The following ADAT1 variants were observed in gnomAD, a reference collection of about 807,000 sequenced individuals.
ADAT1 encodes the protein adenosine deaminase tRNA specific 1, also known as tRNA-specific adenosine deaminase 1.
ADAT1 carries 58 observed loss-of-function variants against 58.6 expected under a neutral mutation model. The ratio of observed to expected loss-of-function variants is 0.99; its 90% CI spans 0.80 to 1.23. The LOEUF (loss-of-function observed/expected upper bound fraction) is 1.23, where lower values mean the gene tolerates loss of function less well. Ranked by LOEUF, ADAT1 falls within the 50% of genes most tolerant of loss-of-function variation. ADAT1 has a pLI of 0.00. For missense variants in ADAT1, 741 were observed against 608.6 expected, an observed-to-expected ratio of 1.22 and a Z score of -2.29; for synonymous variants, 254 against 220.8, an observed-to-expected ratio of 1.15 and a Z score of -1.33.
At chr16:75,608,696 G>A in intron 7 of ADAT1, 147 bp downstream of exon 7, 1 of 936,730 alleles carries the variant, frequency 1.1e-6, no homozygotes, top group Non-Finnish European at 1.6e-6. Context: ...GCATAAACGT[G>A]ACCCACTATG....
intron 6 of ADAT1, among the ~76,000 whole-genome samples, chr16:75,612,039 C>G (rs761329978): frequency 2.0e-5 from 3 of 152,146 alleles, no homozygotes; most frequent in Non-Finnish European, 4.4e-5. Context: ...GCCTGGGTGA[C>G]AGAGCAAGAC....
At chr16:75,610,341 G>T (rs1205884082) in intron 6 of ADAT1, among the ~76,000 whole-genome samples, 1 of 151,422 alleles carries the variant, frequency 6.6e-6, no homozygotes, top group Non-Finnish European at 1.5e-5. Flanking sequence ...TGTTGTCTAG[G>T]ATGGAGTGCA....
At chr16:75,609,865 G>A (rs1002297295) in intron 6 of ADAT1, among the ~76,000 whole-genome samples, 3 of 151,528 alleles carry the variant, frequency 2.0e-5, no homozygotes, top group South Asian at 2.1e-4. Flanking sequence ...CATCATGTCC[G>A]ACTAATTTTT....
At chr16:75,606,634 C>T (rs114678694) in intron 8 of ADAT1, among the ~76,000 whole-genome samples, 1 of 152,154 alleles carries the variant, frequency 6.6e-6, no homozygotes, top group Non-Finnish European at 1.5e-5. Context: ...CCTTGAGCCC[C>T]CGTCAAGTCT....
intron 9 of ADAT1, among the ~76,000 whole-genome samples, chr16:75,602,831 G>T (rs1216695007): frequency 6.6e-6 from 1 of 152,198 alleles, no homozygotes; most frequent in African/African-American, 2.4e-5. Context: ...AATCAAAGGA[G>T]GGCCTGGAAT....
chr16:75,621,467 G>C (rs994278966), intron 1 of ADAT1, among the ~76,000 whole-genome samples: 1 of 151,984 alleles, frequency 6.6e-6, no homozygotes, highest in East Asian at 2.0e-4. Flanking sequence ...TGCTGGGTCT[G>C]TTTCCTCATC....
At chr16:75,615,480 TAAAAAAAAAAAAA>T (rs56149357) in intron 5 of ADAT1, among the ~76,000 whole-genome samples, 98 of 32,946 alleles carry the variant, frequency 3.0e-3, no homozygotes, top group African/African-American at 5.6e-3. Flanking sequence ...GTTGATGAGC[TAAAAAAAAAAAAA>T]AAAAAAAAAA....
chr16:75,603,112 G>T lies in ADAT1; in HGVS notation c.1349C>A (p.Ala450Glu). 6.2e-7 allele frequency: 1 copy of T among 1,614,020 alleles called. No individual in the cohort carries two copies. Among genetic ancestry groups the T allele is most frequent in the Non-Finnish European group, 8.5e-7 (1 of 1,179,928 alleles). The change falls in exon 9 of 10, where the codon GCA becomes GAA. Residue 450 changes from alanine (A) to glutamate (E), a missense_variant. Transcript: ENST00000564657. ...GAGGGAGTGTGGCCACTTGTCCCTT[G>T]CAATTCTGCTTAGCAGCTTCTGGAA... ...RSFQKLLSRI[A>E]RDKWPHSLRV...
intron 1 of ADAT1, among the ~76,000 whole-genome samples, chr16:75,621,646 T>C (rs1180557246): frequency 2.6e-5 from 4 of 152,164 alleles, no homozygotes; most frequent in African/African-American, 9.7e-5. Flanking sequence ...AAAATAACAT[T>C]TGATGATTTT....
intron 6 of ADAT1, among the ~76,000 whole-genome samples, chr16:75,610,554 C>T (rs1274371645): frequency 1.3e-5 from 2 of 152,146 alleles, no homozygotes; most frequent in Admixed American, 6.6e-5. Flanking sequence ...GACATGGCCT[C>T]CCAAGATGCT....
intron 2 of ADAT1, 26 bp from the exon 3 acceptor site, chr16:75,620,360 A>C: frequency 2.5e-6 from 4 of 1,612,558 alleles, no homozygotes; most frequent in Non-Finnish European, 3.4e-6. Flanking sequence ...AAATCGTGTG[A>C]GTTCTGAGAA....
In ADAT1 at chr16:75,612,277, T is replaced by A. The variant is rs1454823911; in HGVS notation, c.1009A>T (p.Ser337Cys). ...AGTGCTCTCTGCATGGCTTCCTGGC[T>A]GTATGGGCACTTCCCAATGACCACA... Reference protein sequence around the residue: ...SAVVIGKCPYSQEAMQRALIG... With the variant: ...SAVVIGKCPYCQEAMQRALIG... Residue 337 changes from serine (S) to cysteine (C), a missense_variant, in exon 6 of 10, where the codon AGC (serine) becomes TGC (cysteine). Transcript: ENST00000564657. The A allele has an allele frequency of 6.2e-7, 1 of 1,614,032 alleles. No individual in the cohort carries two copies. Among genetic ancestry groups the A allele is most frequent in the Non-Finnish European group, 8.5e-7 (1 of 1,180,034 alleles).
In ADAT1 at chr16:75,612,479, T is replaced by C. The variant is rs770554575; in HGVS notation, c.807A>G (p.Gly269=). ...ACGCAGCACCCGGCTTTCCGGAGTC[T>C]CCAGCTTCTCCAGGTACACACTTGG... is the stretch of plus-strand genomic sequence containing the variant. ...TGAKCVPGEA[G]DSGKPGAAFH... Residue 269 remains glycine (G), a synonymous_variant, in exon 6 of 10, where the codon GGA becomes GGG. Coordinates refer to ENST00000564657, the MANE Select transcript of ADAT1 (RefSeq NM_001324445.2). 15 of 1,614,096 alleles carry C rather than the reference T, an allele frequency of 9.3e-6. No individual in the cohort carries two copies. The East Asian group carries it at 3.1e-4, about 34-fold the overall frequency.
In ADAT1 at chr16:75,612,873, G is replaced by T; in HGVS notation, c.425-12C>A. 1 of 1,609,562 alleles carries T rather than the reference G, an allele frequency of 6.2e-7. No homozygotes were observed. Among genetic ancestry groups the T allele is most frequent in the South Asian group, 1.1e-5 (1 of 90,532 alleles). ...GGAGGCATCCCCACCTGCAGAGAAT[G>T]AACCCACTTAAACAAATGGTTCTCA... On this transcript the variant is annotated splice_polypyrimidine_tract_variant and intron_variant, in intron 5 of 9. Transcript: ENST00000564657.
rs952526574 is a variant in ADAT1, at chr16:75,599,581, G to A, written c.*635C>T. On this transcript the variant is annotated 3_prime_UTR_variant, in exon 10 of 10. Transcript: ENST00000564657. ...TTTCTCTAGGTAGTAGGAAAAGATG[G>A]CCACCGGCAGTCCCATGATTATGTG... 3.0e-6 allele frequency: 3 copies of A among 985,780 alleles called. No homozygotes were observed. Among genetic ancestry groups the A allele is most frequent in the Non-Finnish European group, 3.6e-6 (3 of 830,026 alleles). 61.1% of individuals were successfully genotyped at this position (985,780 alleles called of 1,614,324 possible). A position where few individuals can be genotyped will look rare whatever the true frequency, so the allele number is the denominator to read the frequency against.
At chr16:75,618,460 C>T (rs1014407340) in intron 4 of ADAT1, 126 bp downstream of exon 4, 3 of 524,320 alleles carry the variant, frequency 5.7e-6, no homozygotes, top group South Asian at 5.2e-5. Flanking sequence ...GAGCTGAGAT[C>T]ATGCCACTGC....
chr16:75,609,205 A>C (rs548017567), intron 6 of ADAT1, among the ~76,000 whole-genome samples: 2 of 152,344 alleles, frequency 1.3e-5, no homozygotes, highest in East Asian at 1.9e-4. Context: ...CTAAGAATCA[A>C]GTCAACACCC....
intron 9 of ADAT1, among the ~76,000 whole-genome samples, chr16:75,602,428 A>G (rs1240324603): frequency 6.6e-6 from 1 of 152,284 alleles, no homozygotes; most frequent in East Asian, 1.9e-4. Context: ...AATGGCAACT[A>G]TAGTGCTTTT....
intron 9 of ADAT1, among the ~76,000 whole-genome samples, chr16:75,601,508 G>A (rs1253803821): frequency 2.6e-5 from 4 of 152,038 alleles, no homozygotes; most frequent in East Asian, 1.9e-4. Context: ...TGTAATCCTG[G>A]CACTTTGGGA....
Sources: allele counts gnomAD v4.1 joint callset (sites outside exome capture counted in the v4.1 genomes callset), GRCh38; gene constraint gnomAD v4.1.1; transcripts MANE v1.5; gene names NCBI Gene and HGNC (gene_info 2026-07-23, HGNC 2026-07-21).